Variants in ABCA13 observed in about 807,000 individuals in gnomAD.
ABCA13 encodes ATP-binding cassette sub-family A member 13.
In ABCA13, 476 loss-of-function variants were observed where a neutral mutation model predicts 478.7. The ratio of observed to expected loss-of-function variants is 0.99; its 90% CI spans 0.92 to 1.07. The LOEUF (loss-of-function observed/expected upper bound fraction) is 1.07, where lower values mean the gene tolerates loss of function less well. Ranked by LOEUF, ABCA13 falls within the 50% of genes least tolerant of loss-of-function variation. The pLI, the probability that ABCA13 is intolerant of heterozygous loss-of-function variation, is 0.00. For missense variants in ABCA13, 6,060 were observed against 5,910.6 expected, an observed-to-expected ratio of 1.03 and a Z score of -0.83; for synonymous variants, 2,252 against 2,158.9, an observed-to-expected ratio of 1.04 and a Z score of -1.20.
At chr7:48,404,617 C>T (rs1818022254) in intron 39 of ABCA13, 1 of 152,264 alleles carries the variant, frequency 6.6e-6, no homozygotes, top group Non-Finnish European at 1.5e-5. Flanking sequence ...AACCTAAAGT[C>T]TCCATTTCCC....
Position 48,475,626 on chromosome 7 carries a change from C to T in ABCA13, c.12975+4027C>T, listed in dbSNP as rs1234937842. Among the ~76,000 whole-genome samples the T allele has an allele frequency of 1.1e-4, 17 of 151,754 alleles. No homozygotes were observed. In the East Asian group the frequency reaches 1.2e-3, roughly 10 times the overall value. ...GATTACAGGCATGCGCCACTGTGCC[C>T]GGCTAATTTTTGTATTTTTAGTAGA... On this transcript the variant is annotated intron_variant, in intron 45 of 61. Coordinates refer to ENST00000435803, the MANE Select transcript of ABCA13 (RefSeq NM_152701.5).
At chr7:48,296,088 A>T (rs1014767280) in intron 21 of ABCA13, among the ~76,000 whole-genome samples, 2 of 152,354 alleles carry the variant, frequency 1.3e-5, no homozygotes, top group Middle Eastern at 6.8e-3. Context: ...CGATAAAGAT[A>T]TTAGATATAA....
At chr7:48,250,692 A>G (rs907814559) in intron 15 of ABCA13, among the ~76,000 whole-genome samples, 1 of 152,194 alleles carries the variant, frequency 6.6e-6, no homozygotes, top group African/African-American at 2.4e-5. Flanking sequence ...TCATAACTGT[A>G]TGATTCACAG....
intron 20 of ABCA13, among the ~76,000 whole-genome samples, chr7:48,290,374 G>A (rs150956997): frequency 1.9e-4 from 29 of 152,234 alleles, no homozygotes; most frequent in African/African-American, 5.8e-4. Flanking sequence ...TGATGTAGCC[G>A]GAGAAGGAGA....
rs1429780384 is a variant in ABCA13 at position 48,272,689 on chromosome 7, G to C, written c.3023G>C (p.Ser1008Thr). The C allele has an allele frequency of 1.2e-6, 2 of 1,612,350 alleles. No individual in the cohort carries two copies. Among genetic ancestry groups the C allele is most frequent in the East Asian group, 4.5e-5 (2 of 44,842 alleles). ...AAACAATTTAATTTCCAAAACATCA[G>C]TAAAGCATTTGCATTTTTATTTAAG... is the stretch of plus-strand genomic sequence containing the variant. ...IIKQFNFQNI[S>T]KAFAFLFKTA... Residue 1008 changes from serine (S) to threonine (T), a missense_variant, in exon 17 of 62, where the codon AGT (serine) becomes ACT (threonine). Physicochemically the swap from Ser to Thr is moderately conservative, Grantham distance 58. Transcript: ENST00000435803.
At chr7:48,535,083 A>T (rs1833479270) in intron 55 of ABCA13, among the ~76,000 whole-genome samples, 1 of 152,102 alleles carries the variant, frequency 6.6e-6, no homozygotes, top group African/African-American at 2.4e-5. Context: ...TTAAAGAATT[A>T]TGTTTTGTCA....
At chr7:48,394,381 C>G (rs192731845) in intron 38 of ABCA13, among the ~76,000 whole-genome samples, 1 of 152,148 alleles carries the variant, frequency 6.6e-6, no homozygotes. Context: ...TCGCTGCGTT[C>G]GTGTTGTGAT....
intron 47 of ABCA13, among the ~76,000 whole-genome samples, chr7:48,486,694 ATG>A (rs1250110860): frequency 1.3e-5 from 2 of 152,136 alleles, no homozygotes; most frequent in Non-Finnish European, 2.9e-5. Context: ...TCCACAATGG[ATG>A]TTCATTTAGC....
At chr7:48,389,919 T>C (rs1241910603) in intron 37 of ABCA13, among the ~76,000 whole-genome samples, 2 of 152,210 alleles carry the variant, frequency 1.3e-5, no homozygotes, top group Non-Finnish European at 2.9e-5. Context: ...GTTAAAACAA[T>C]GAAGAGGGCT....
intron 59 of ABCA13, among the ~76,000 whole-genome samples, chr7:48,631,127 A>G (rs1356037486): frequency 6.6e-6 from 1 of 151,760 alleles, no homozygotes; most frequent in East Asian, 1.9e-4. Context: ...CTCTGTTGAT[A>G]GTTTCTTTTG....
At chr7:48,596,721 C>G (rs67223363) in intron 58 of ABCA13, among the ~76,000 whole-genome samples, 40,435 of 151,330 alleles carry the variant, frequency 0.27, 5,615 homozygotes, top group East Asian at 0.39. Context: ...TGTCATGAGA[C>G]CGGGAGGTGG....
chr7:48,281,231 G>A, intron 18 of ABCA13, 112 bp from the exon 19 acceptor site: 1 of 809,024 alleles, frequency 1.2e-6, no homozygotes, highest in Non-Finnish European at 2.0e-6. Context: ...TGATTATGCA[G>A]GGAGGGAGGA....
At chr7:48,399,907 A>G (rs934734905) in intron 38 of ABCA13, among the ~76,000 whole-genome samples, 7 of 152,174 alleles carry the variant, frequency 4.6e-5, no homozygotes, top group African/African-American at 1.7e-4. Flanking sequence ...TATGATGGGT[A>G]TGTGTTCTGG....
chr7:48,424,339 C>T (rs1424171839), intron 41 of ABCA13, among the ~76,000 whole-genome samples: 1 of 152,140 alleles, frequency 6.6e-6, no homozygotes, highest in East Asian at 1.9e-4. Context: ...TTGAAGAACA[C>T]CTTTCGGTAT....
At chr7:48,208,848 AT>A (rs1785257316) in intron 3 of ABCA13, among the ~76,000 whole-genome samples, 1 of 152,094 alleles carries the variant, frequency 6.6e-6, no homozygotes, top group Admixed American at 6.5e-5. Flanking sequence ...GTTATGTTGC[AT>A]AAAAGTAGTG....
At chr7:48,183,304 G>C (rs1219235057) in intron 1 of ABCA13, among the ~76,000 whole-genome samples, 1 of 152,176 alleles carries the variant, frequency 6.6e-6, no homozygotes, top group Non-Finnish European at 1.5e-5. Flanking sequence ...AATATATTTA[G>C]ACTCAATCTG....
intron 23 of ABCA13, 71 bp from the exon 24 acceptor site, chr7:48,309,876 C>T: frequency 6.4e-7 from 1 of 1,554,118 alleles, no homozygotes; most frequent in Non-Finnish European, 8.8e-7. Flanking sequence ...GCCGATGAAG[C>T]TCCGGTCTGA....
chr7:48,465,874 T>C (rs2130132984), intron 43 of ABCA13, among the ~76,000 whole-genome samples: 1 of 152,232 alleles, frequency 6.6e-6, no homozygotes, highest in East Asian at 1.9e-4. Context: ...ATTTCTTCAA[T>C]GTAGCTAATG....
intron 18 of ABCA13, among the ~76,000 whole-genome samples, chr7:48,280,663 C>T (rs571175509): frequency 1.3e-5 from 2 of 152,234 alleles, no homozygotes; most frequent in Admixed American, 1.3e-4. Flanking sequence ...TTGGAGATGC[C>T]ATGTCAACCC....
Sources: gnomAD v4.1 joint callset for allele counts (sites outside exome capture counted in the v4.1 genomes callset) on GRCh38, gnomAD v4.1.1 for gene constraint, MANE v1.5 for transcripts, NCBI Gene and HGNC (gene_info 2026-07-23, HGNC 2026-07-21) for gene names.